SCAF11: variants seen among roughly 807,000 people sequenced by gnomAD.
The protein encoded by SCAF11 is protein SCAF11.
A neutral mutation model predicts 140.5 loss-of-function variants in SCAF11; 47 were observed. The observed-to-expected ratio is 0.33, with a 90% confidence interval of 0.26 to 0.43. The LOEUF is 0.43. SCAF11 is among the 20% of genes least tolerant of loss of function. The pLI is 1.00. For missense variants in SCAF11, 1,645 were observed against 1,705.1 expected (o/e 0.96, Z 0.62); for synonymous variants, 557 against 579.4 (o/e 0.96, Z 0.55).
At chr12:45,932,875 C>T (rs575391786) in intron 9 of SCAF11, among the ~76,000 whole-genome samples, 51 of 152,144 alleles carry the variant, frequency 3.4e-4, no homozygotes, top group Admixed American at 3.9e-4. Flanking sequence ...TCTTAATATT[C>T]GGGTTCTCTC....
intron 1 of SCAF11, 101 bp from the exon 2 acceptor site, chr12:45,964,289 A>G (rs1488986616): frequency 3.2e-6 from 2 of 633,694 alleles, no homozygotes. Context: ...TACACATAAA[A>G]GAACACAGTA....
chr12:45,934,562 T>C, intron 6 of SCAF11, 57 bp from the exon 7 acceptor site: 1 of 1,221,266 alleles, frequency 8.2e-7, no homozygotes, highest in Non-Finnish European at 1.1e-6. Context: ...TTAAAAAGGC[T>C]GTAAACCAGC....
rs1944679809 is a variant in SCAF11, at chr12:45,920,429, TCTATTAA to T, written c.*1612_*1618del. ...TCACTGAGGCATGTATCTCCTTGGA[TCTATTAA>T]CTTATCTGAAGAACTTTCCAGGTAC... is the stretch of plus-strand genomic sequence containing the variant. On this transcript the variant is annotated 3_prime_UTR_variant, in exon 15 of 15. Coordinates refer to ENST00000369367, the MANE Select transcript of SCAF11 (RefSeq NM_004719.3). The T allele has an allele frequency of 2.0e-5, 3 of 152,470 alleles. No homozygotes were observed. The South Asian group carries it at 6.2e-4, about 32-fold the overall frequency. The allele number at this position is 152,470 out of a possible 1,614,324, so 9.4% of individuals were successfully genotyped here.
intron 1 of SCAF11, among the ~76,000 whole-genome samples, chr12:45,987,331 T>C (rs190562869): frequency 2.0e-5 from 3 of 152,360 alleles, no homozygotes; most frequent in African/African-American, 7.2e-5. Flanking sequence ...CAGTTTATGC[T>C]ACAGACTGAG....
In SCAF11 at chr12:45,990,379, C is replaced by G; in HGVS notation, c.-48G>C. The G allele has an allele frequency of 1.1e-5, 13 of 1,232,284 alleles. No individual in the cohort carries two copies. The highest frequency in any genetic ancestry group is 1.3e-5 in the Non-Finnish European group (13 of 988,444). 76.3% of individuals were successfully genotyped at this position (1,232,284 alleles called of 1,614,324 possible). On this transcript the variant is annotated 5_prime_UTR_variant, in exon 1 of 15. Transcript: ENST00000369367. ...TCAGACCGAGGTCGAGGCGCTCGGT[C>G]CGGCCGCGGCCCCACAGTAGGTTCC...
intron 1 of SCAF11, among the ~76,000 whole-genome samples, chr12:45,973,385 AAAAG>A (rs956278489): frequency 1.3e-5 from 2 of 152,058 alleles, no homozygotes; most frequent in African/African-American, 4.8e-5. Flanking sequence ...AAAAGAAGAA[AAAAG>A]AAAGTAGAAA....
chr12:45,964,244 AT>A, intron 1 of SCAF11, 56 bp from the exon 2 acceptor site: 3 of 814,244 alleles, frequency 3.7e-6, no homozygotes, highest in South Asian at 1.6e-5. Context: ...AATAATATCA[AT>A]TAAAAAAAAA....
intron 1 of SCAF11, among the ~76,000 whole-genome samples, chr12:45,985,610 C>T (rs1011483210): frequency 3.3e-5 from 5 of 152,168 alleles, no homozygotes; most frequent in Non-Finnish European, 5.9e-5. Flanking sequence ...GTAAAATGGA[C>T]TAACACAGTC....
intron 12 of SCAF11, among the ~76,000 whole-genome samples, chr12:45,924,167 G>C (rs1260805283): frequency 6.6e-6 from 1 of 152,168 alleles, no homozygotes; most frequent in Admixed American, 6.5e-5. Context: ...TTAAAAGGCA[G>C]TCATAAAATT....
At position 45,920,717 on chromosome 12, in the gene SCAF11, A is replaced by G. The variant is rs944868893; in HGVS notation, c.*1331T>C. On this transcript the variant is annotated 3_prime_UTR_variant, in exon 15 of 15. Coordinates refer to ENST00000369367, the MANE Select transcript of SCAF11 (RefSeq NM_004719.3). ...AGGTTTTACTGTCTAGAATTTTGCA[A>G]CATGGCTAATGGCTACCACCTGGTC... is the stretch of plus-strand genomic sequence containing the variant. The G allele has an allele frequency of 3.9e-5, 6 of 152,616 alleles. No individual in the cohort carries two copies. Among genetic ancestry groups the G allele is most frequent in the African/African-American group, 1.4e-4 (6 of 41,450 alleles). 9.5% of individuals were successfully genotyped at this position (152,616 alleles called of 1,614,324 possible).
At chr12:45,991,843 G>A (rs1049332562), upstream of SCAF11, 8 of 1,243,344 alleles carry the variant, frequency 6.4e-6, no homozygotes, top group Non-Finnish European at 8.3e-6. Context: ...TCCTGCTTGC[G>A]GCTCCCGCAG....
At chr12:45,964,614 C>A (rs1945900516) in intron 1 of SCAF11, among the ~76,000 whole-genome samples, 1 of 151,838 alleles carries the variant, frequency 6.6e-6, no homozygotes, top group South Asian at 2.1e-4. Context: ...TTGCAGTGAG[C>A]CCAGATCGCG....
intron 12 of SCAF11, among the ~76,000 whole-genome samples, 199 bp from the exon 13 acceptor site, chr12:45,923,353 T>C (rs1360853293): frequency 1.3e-5 from 2 of 152,234 alleles, no homozygotes; most frequent in African/African-American, 4.8e-5. Flanking sequence ...CTTATTTAGA[T>C]ATGTCAAGAT....
At chr12:45,952,019 G>A (rs1435816563) in intron 3 of SCAF11, among the ~76,000 whole-genome samples, 1 of 152,144 alleles carries the variant, frequency 6.6e-6, no homozygotes, top group Non-Finnish European at 1.5e-5. Flanking sequence ...GCTGACAGCA[G>A]TAGTTCTGTG....
chr12:45,923,480 A>C (rs1944765079), intron 12 of SCAF11, among the ~76,000 whole-genome samples: 1 of 152,144 alleles, frequency 6.6e-6, no homozygotes, highest in Non-Finnish European at 1.5e-5. Flanking sequence ...AATATTAACA[A>C]ATATTAAAGT....
At chr12:45,929,082 T>G in intron 10 of SCAF11, 1 of 308,966 alleles carries the variant, frequency 3.2e-6, no homozygotes. Flanking sequence ...TTGGTCCAAA[T>G]GGGCAATTTT....
At chr12:45,983,278 T>C (rs1320209889) in intron 1 of SCAF11, among the ~76,000 whole-genome samples, 4 of 151,708 alleles carry the variant, frequency 2.6e-5, no homozygotes, top group African/African-American at 9.7e-5. Flanking sequence ...TAGGAGAAAA[T>C]GGAAAGAAGA....
intron 1 of SCAF11, among the ~76,000 whole-genome samples, chr12:45,981,444 A>G (rs1331165741): frequency 2.0e-5 from 3 of 152,236 alleles, no homozygotes; most frequent in Non-Finnish European, 4.4e-5. Flanking sequence ...TAATCTCTAA[A>G]CAAATAGCCC....
intron 1 of SCAF11, among the ~76,000 whole-genome samples, chr12:45,983,742 AACACACACACACACACACACACACAC>A (rs55655357): frequency 7.5e-6 from 1 of 133,906 alleles, no homozygotes; most frequent in Admixed American, 7.6e-5. Flanking sequence ...CTAAACCTAA[AACACACACACACACACACACACACAC>A]ACACACACAC....
Sources: gnomAD v4.1 joint callset for allele counts (sites outside exome capture counted in the v4.1 genomes callset) on GRCh38, gnomAD v4.1.1 for gene constraint, MANE v1.5 for transcripts, NCBI Gene and HGNC (gene_info 2026-07-23, HGNC 2026-07-21) for gene names.